NBPF15: variants seen among roughly 807,000 people sequenced by gnomAD.
NBPF15 encodes NBPF member 15.
Under a neutral mutation model 62.2 loss-of-function variants are expected in NBPF15, and 74 were observed. The observed-to-expected ratio is 1.19, with a 90% CI of 0.99 to 1.44. The LOEUF (loss-of-function observed/expected upper bound fraction) is 1.44. Among genes scored for constraint, NBPF15 ranks in the 40% most tolerant of loss-of-function variants. The pLI is 0.00. For synonymous variants in NBPF15, 244 were observed against 209.7 expected (o/e 1.16, Z -1.41); for missense variants, 790 against 550.0 (o/e 1.44, Z -4.36).
chr1:144,445,270 G>GTATATATATATATA (rs59434439), intron 6 of NBPF15, among the ~76,000 whole-genome samples: 22 of 105,016 alleles, frequency 2.1e-4, no homozygotes, highest in South Asian at 6.5e-4. Context: ...GTCTGTATAT[G>GTATATATATATATA]TATATATATA....
Position 144,423,275 on chromosome 1 carries a change from C to G in NBPF15, c.1770-19G>C. 2 of 1,611,212 alleles carry G rather than the reference C, an allele frequency of 1.2e-6. No individual in the cohort carries two copies. Among genetic ancestry groups the G allele is most frequent in the South Asian group, 1.1e-5 (1 of 90,944 alleles). On this transcript the variant is annotated intron_variant, in intron 21 of 21. Coordinates refer to ENST00000581897, the MANE Select transcript of NBPF15 (RefSeq NM_001385408.1). ...GTAGAGCCTGGAAAAGGAGACAAAA[C>G]TAAAGAAGCAGCCAGGGAAAATCAG...
In NBPF15 at chr1:144,426,453, G is replaced by A; in HGVS notation, c.1266-3C>T. ...CATCCAGCAGCTCCCTGCTGAGCCT[G>A]GAAAAGTAGGAAAAAGTAAAGAATA... On this transcript the variant is annotated splice_polypyrimidine_tract_variant and splice_region_variant and intron_variant, in intron 17 of 21. Transcript: ENST00000581897. 1.3e-6 allele frequency: 1 copy of A among 798,038 alleles called. No homozygotes were observed. The highest frequency in any genetic ancestry group is 2.3e-6 in the Non-Finnish European group (1 of 438,408). The allele number at this position is 798,038 out of a possible 1,614,324, so 49.4% of individuals were successfully genotyped here.
chr1:144,444,979 CCTA>C lies in NBPF15; in HGVS notation c.-191+3793_-191+3795del, dbSNP rs1265953686. ...CAAAGGAGCCATACCATTTTTCATTCCTACAAGTATAAGACTTCCAAGTGCTTT... is the reference window on the plus strand; with the variant it reads ...CAAAGGAGCCATACCATTTTTCATTCCAAGTATAAGACTTCCAAGTGCTTT... On this transcript the variant is annotated intron_variant, in intron 6 of 21. Coordinates refer to ENST00000581897, the MANE Select transcript of NBPF15 (RefSeq NM_001385408.1). Among the ~76,000 whole-genome samples the C allele has an allele frequency of 3.0e-4, 45 of 151,610 alleles. 1 individual carries two copies. The highest frequency in any genetic ancestry group is 5.3e-4 in the Non-Finnish European group (36 of 67,818).
intron 14 of NBPF15, among the ~76,000 whole-genome samples, chr1:144,428,859 C>A (rs1471360098): frequency 6.6e-6 from 1 of 151,850 alleles, no homozygotes; most frequent in Non-Finnish European, 1.5e-5. Context: ...GGGCAAAATT[C>A]CCCTGTTTTG....
intron 4 of NBPF15, among the ~76,000 whole-genome samples, chr1:144,455,255 G>A (rs1553546607): frequency 6.8e-6 from 1 of 147,838 alleles, no homozygotes; most frequent in African/African-American, 2.5e-5. Flanking sequence ...AAAAAGAGTG[G>A]GAGAGAAGTA....
chr1:144,431,627 T>A (rs1410989765), intron 13 of NBPF15, among the ~76,000 whole-genome samples: 6 of 126,886 alleles, frequency 4.7e-5, no homozygotes, highest in Non-Finnish European at 8.2e-5. Context: ...TATCTCCTAA[T>A]GCTACCCCTC....
intron 4 of NBPF15, among the ~76,000 whole-genome samples, chr1:144,451,799 A>G (rs1553545576): frequency 6.6e-6 from 1 of 151,322 alleles, no homozygotes; most frequent in African/African-American, 2.4e-5. Context: ...AACAAAATGG[A>G]GTCTCTTATG....
chr1:144,453,638 C>CAAAAAAAAAAAAAAAA (rs200525708), intron 4 of NBPF15, among the ~76,000 whole-genome samples: 2 of 36,400 alleles, frequency 5.5e-5, no homozygotes, highest in Non-Finnish European at 7.0e-5. Context: ...CAACACAAAG[C>CAAAAAAAAAAAAAAAA]AAAAAAAAAA....
chr1:144,431,583 C>A (rs1259739835), intron 13 of NBPF15, among the ~76,000 whole-genome samples: 2 of 142,898 alleles, frequency 1.4e-5, no homozygotes, highest in Non-Finnish European at 3.1e-5. Flanking sequence ...CATTGGTGTG[C>A]TTCACCCATT....
At chr1:144,431,269 T>C in intron 13 of NBPF15, among the ~76,000 whole-genome samples, 1 of 150,410 alleles carries the variant, frequency 6.6e-6, no homozygotes, top group Admixed American at 6.6e-5. Flanking sequence ...AAACACTTAA[T>C]TGTCAGATTC....
intron 17 of NBPF15, 49 bp from the exon 18 acceptor site, chr1:144,426,499 C>T: frequency 1.3e-6 from 1 of 791,748 alleles, no homozygotes; most frequent in Non-Finnish European, 2.3e-6. Flanking sequence ...AATCAGAAAC[C>T]ACACAGCCCC....
chr1:144,424,631 T>G (rs1260900440), intron 20 of NBPF15, 59 bp downstream of exon 20: 1 of 647,612 alleles, frequency 1.5e-6, no homozygotes, highest in Admixed American at 2.7e-5. Flanking sequence ...GGAGCAGGAA[T>G]ATGATCTTTA....
intron 18 of NBPF15, 138 bp downstream of exon 18, chr1:144,426,140 T>G: frequency 1.5e-6 from 1 of 649,832 alleles, no homozygotes; most frequent in Non-Finnish European, 2.7e-6. Flanking sequence ...TACAGTTTCA[T>G]TACAACCTTT....
chr1:144,447,693 T>C (rs1688566453), intron 6 of NBPF15, among the ~76,000 whole-genome samples: 1 of 152,048 alleles, frequency 6.6e-6, no homozygotes, highest in Admixed American at 6.6e-5. Context: ...TCTGTGCTCA[T>C]ATTCAGAAAA....
chr1:144,442,730 G>C (rs1261543864), intron 6 of NBPF15: 2 of 192,248 alleles, frequency 1.0e-5, no homozygotes, highest in African/African-American at 4.7e-5. Context: ...GCTGAGGTTG[G>C]TGTCCTGGTT....
rs1427902096 is a variant in NBPF15, at chr1:144,426,146, C to G, written c.1438+132G>C. ...AACTGAGACTACAGTTTCATTACAA[C>G]CTTTATGCGCCCATAGGTCCTGCCT... is the stretch of plus-strand genomic sequence containing the variant. On this transcript the variant is annotated intron_variant, in intron 18 of 21. Coordinates refer to ENST00000581897, the MANE Select transcript of NBPF15 (RefSeq NM_001385408.1). 74 of 656,860 alleles carry G rather than the reference C, an allele frequency of 1.1e-4. 2 individuals are homozygous for G. In the East Asian group the frequency reaches 1.5e-3, roughly 13 times the overall value. 40.7% of individuals were successfully genotyped at this position (656,860 alleles called of 1,614,324 possible). A position where few individuals can be genotyped will look rare whatever the true frequency, so the allele number is the denominator to read the frequency against.
At position 144,443,569 on chromosome 1, in the gene NBPF15, A is replaced by C. The variant is rs1422636462; in HGVS notation, c.-190-3274T>G. 8.9e-4 allele frequency among the ~76,000 whole-genome samples: 135 copies of C among 152,022 alleles called. 2 individuals are homozygous for C. Among genetic ancestry groups the C allele is most frequent in the African/African-American group, 3.1e-3 (130 of 41,484 alleles). Reference sequence around the variant, plus strand: ...GAGTCTTCCAATCAATGAACATGATATATATTTATTTAGCCTTCTTTAATT... The same window carrying C: ...GAGTCTTCCAATCAATGAACATGATCTATATTTATTTAGCCTTCTTTAATT... On this transcript the variant is annotated intron_variant, in intron 6 of 21. Coordinates refer to ENST00000581897, the MANE Select transcript of NBPF15 (RefSeq NM_001385408.1).
chr1:144,459,039 GA>G (rs1224176784), intron 3 of NBPF15, among the ~76,000 whole-genome samples: 52 of 135,948 alleles, frequency 3.8e-4, no homozygotes, highest in Non-Finnish European at 3.7e-4. Flanking sequence ...GGCCCTGTCT[GA>G]AAAAAAAAAA....
At chr1:144,451,423 A>C (rs1453224726) in intron 4 of NBPF15, among the ~76,000 whole-genome samples, 3 of 150,548 alleles carry the variant, frequency 2.0e-5, no homozygotes, top group Non-Finnish European at 3.0e-5. Context: ...CTCTTTTACT[A>C]ATCCTCCTCA....
Sources: allele counts gnomAD v4.1 joint callset (sites outside exome capture counted in the v4.1 genomes callset), GRCh38; gene constraint gnomAD v4.1.1; transcripts MANE v1.5; gene names NCBI Gene and HGNC (gene_info 2026-07-23, HGNC 2026-07-21).